Variants in EPYC observed in about 807,000 individuals in gnomAD.
EPYC encodes the protein dermatan sulfate proteoglycan 3.
In EPYC, 28 loss-of-function variants were observed where a neutral mutation model predicts 30.1. That is an observed-to-expected ratio of 0.93 (90% CI 0.69 to 1.28). The LOEUF is 1.28. Among genes scored for constraint, EPYC ranks in the 50% most tolerant of loss-of-function variants. EPYC has a pLI of 0.00. For missense variants in EPYC, 382 were observed against 383.5 expected, an observed-to-expected ratio of 1.00 and a Z score of 0.03; for synonymous variants, 144 against 141.4, an observed-to-expected ratio of 1.02 and a Z score of -0.13.
At chr12:90,964,908 A>G in intron 6 of EPYC, among the ~76,000 whole-genome samples, 1 of 152,100 alleles carries the variant, frequency 6.6e-6, no homozygotes, top group East Asian at 1.9e-4. Flanking sequence ...CATACCATAA[A>G]ATTCACCCAC....
At chr12:90,987,359 CCT>C (rs1877477390) in intron 2 of EPYC, among the ~76,000 whole-genome samples, 1 of 149,332 alleles carries the variant, frequency 6.7e-6, no homozygotes, top group Non-Finnish European at 1.5e-5. Flanking sequence ...TGTGATGGGC[CCT>C]GTCACCCTAA....
chr12:90,979,486 G>A (rs1877273914), intron 2 of EPYC, among the ~76,000 whole-genome samples: 1 of 152,072 alleles, frequency 6.6e-6, no homozygotes, highest in African/African-American at 2.4e-5. Context: ...CTAGGTGTTT[G>A]AGTAACCAAA....
chr12:91,002,667 A>G (rs1877860415), intron 1 of EPYC, 89 bp from the exon 2 acceptor site: 2 of 994,134 alleles, frequency 2.0e-6, no homozygotes, highest in South Asian at 3.3e-5. Context: ...TAGTGTCAAT[A>G]TCAAAGAACT....
intron 2 of EPYC, among the ~76,000 whole-genome samples, chr12:90,983,539 C>G (rs180976323): frequency 4.9e-4 from 74 of 152,212 alleles, no homozygotes; most frequent in African/African-American, 1.7e-3. Context: ...TCTTATACTT[C>G]CGGGCTGAGC....
chr12:91,000,001 A>T (rs909799478), intron 2 of EPYC, among the ~76,000 whole-genome samples: 9 of 152,052 alleles, frequency 5.9e-5, no homozygotes, highest in African/African-American at 1.7e-4. Context: ...TATTTTAAAA[A>T]ACTACAGGTT....
intron 3 of EPYC, among the ~76,000 whole-genome samples, chr12:90,977,604 T>A (rs1414869507): frequency 6.6e-6 from 1 of 152,192 alleles, no homozygotes; most frequent in Admixed American, 6.6e-5. Context: ...AAGAGTAATA[T>A]TAACACTCTG....
At chr12:91,002,325 C>G (rs1877850480) in intron 2 of EPYC, 76 bp downstream of exon 2, 1 of 1,263,478 alleles carries the variant, frequency 7.9e-7, no homozygotes, top group Admixed American at 2.5e-5. Flanking sequence ...ACCCAAACAT[C>G]TATTTGAGGA....
intron 2 of EPYC, among the ~76,000 whole-genome samples, chr12:90,998,332 A>G (rs889794654): frequency 9.2e-5 from 14 of 152,108 alleles, no homozygotes; most frequent in Admixed American, 2.0e-4. Context: ...ACACCAATAA[A>G]TGTACTTACT....
At chr12:90,974,338 C>T (rs1315703566) in intron 3 of EPYC, among the ~76,000 whole-genome samples, 3 of 151,930 alleles carry the variant, frequency 2.0e-5, no homozygotes, top group African/African-American at 7.3e-5. Context: ...ACAAGATTTG[C>T]AAAGTGAGGG....
chr12:91,000,298 A>G (rs1460101771), intron 2 of EPYC, among the ~76,000 whole-genome samples: 4 of 152,106 alleles, frequency 2.6e-5, no homozygotes, highest in Non-Finnish European at 4.4e-5. Flanking sequence ...GTATGTAAAG[A>G]CGCAATGCTT....
intron 5 of EPYC, 25 bp from the exon 6 acceptor site, chr12:90,970,164 C>T (rs1877004006): frequency 6.5e-7 from 1 of 1,534,134 alleles, no homozygotes; most frequent in East Asian, 2.3e-5. Context: ...AATGTGGGAA[C>T]TCAATAAAAA....
Position 91,002,545 on chromosome 12 carries a change from A to G in EPYC, c.21T>C (p.Leu7=), listed in dbSNP as rs1009066621. The change falls in exon 2 of 7, where the codon CTT becomes CTC. Residue 7 remains leucine (L), a synonymous_variant. Coordinates refer to ENST00000261172, the MANE Select transcript of EPYC (RefSeq NM_004950.5). ...CATCAAAGATGACAAGTCCCAGAAC[A>G]AGTCCTGCTAATGTCTTCATTTTTC... MKTLAG[L]VLGLVIFDAA... 4.3e-6 allele frequency: 7 copies of G among 1,611,466 alleles called. No homozygotes were observed. Among genetic ancestry groups the G allele is most frequent in the South Asian group, 1.1e-5 (1 of 90,282 alleles).
chr12:90,998,015 G>T (rs1225359591), intron 2 of EPYC, among the ~76,000 whole-genome samples: 2 of 151,938 alleles, frequency 1.3e-5, no homozygotes, highest in Admixed American at 6.6e-5. Context: ...TCACTATTAT[G>T]ATATATAATT....
At position 90,978,085 on chromosome 12, in the gene EPYC, G is replaced by T; in HGVS notation, c.340+3C>A. On this transcript the variant is annotated splice_donor_region_variant and intron_variant, in intron 3 of 6. Coordinates refer to ENST00000261172, the MANE Select transcript of EPYC (RefSeq NM_004950.5). Reference sequence around the variant, plus strand: ...ATTGTAATTCTGCTTTGAGGTACCTGACCTTCATTTGTGTGTGGCCCCAGA... The same window carrying T: ...ATTGTAATTCTGCTTTGAGGTACCTTACCTTCATTTGTGTGTGGCCCCAGA... The T allele has an allele frequency of 6.4e-7, 1 of 1,558,940 alleles. No individual in the cohort carries two copies. The highest frequency in any genetic ancestry group is 8.6e-7 in the Non-Finnish European group (1 of 1,158,096).
chr12:90,981,361 C>T (rs1877320579), intron 2 of EPYC, among the ~76,000 whole-genome samples: 1 of 151,906 alleles, frequency 6.6e-6, no homozygotes. Context: ...AATAAAGACT[C>T]TCTGCAGAAA....
chr12:90,965,310 T>G (rs1400264035), intron 6 of EPYC, among the ~76,000 whole-genome samples: 1 of 152,196 alleles, frequency 6.6e-6, no homozygotes, highest in Non-Finnish European at 1.5e-5. Context: ...TGAATATACT[T>G]CTGTTAACAT....
intron 2 of EPYC, among the ~76,000 whole-genome samples, chr12:90,978,963 AC>A (rs1239248722): frequency 6.6e-6 from 1 of 152,210 alleles, no homozygotes; most frequent in Non-Finnish European, 1.5e-5. Context: ...TTCTTTGAGA[AC>A]GTTGACACTA....
intron 2 of EPYC, among the ~76,000 whole-genome samples, chr12:90,996,553 T>G (rs1044556830): frequency 6.0e-4 from 92 of 152,112 alleles, no homozygotes; most frequent in African/African-American, 2.1e-3. Context: ...TATTGAGTTC[T>G]CTACCATTCC....
At chr12:90,996,238 G>C (rs1013873068) in intron 2 of EPYC, among the ~76,000 whole-genome samples, 2 of 151,696 alleles carry the variant, frequency 1.3e-5, no homozygotes, top group Admixed American at 6.6e-5. Flanking sequence ...AAAAACTAAT[G>C]TTAAGATACT....
Sources: gnomAD v4.1 joint callset for allele counts (sites outside exome capture counted in the v4.1 genomes callset) on GRCh38, gnomAD v4.1.1 for gene constraint, MANE v1.5 for transcripts, NCBI Gene and HGNC (gene_info 2026-07-23, HGNC 2026-07-21) for gene names.